OSBPL10: variants seen among roughly 807,000 people sequenced by gnomAD.
OSBPL10 encodes oxysterol binding protein like 10.
A neutral mutation model predicts 81.7 loss-of-function variants in OSBPL10; 49 were observed. The observed-to-expected ratio is 0.60, with a 90% CI of 0.48 to 0.76. OSBPL10 has a LOEUF of 0.76. Among genes scored for constraint, OSBPL10 ranks in the 30% least tolerant of loss-of-function variants. The pLI, the probability that OSBPL10 is intolerant of heterozygous loss-of-function variation, is 0.00. For synonymous variants in OSBPL10, 419 were observed against 383.6 expected, an observed-to-expected ratio of 1.09 and a Z score of -1.08; for missense variants, 923 against 987.8, an observed-to-expected ratio of 0.93 and a Z score of 0.88.
intron 1 of OSBPL10, among the ~76,000 whole-genome samples, chr3:31,910,722 G>A (rs1427410097): frequency 6.6e-6 from 1 of 152,176 alleles, no homozygotes; most frequent in Non-Finnish European, 1.5e-5. Flanking sequence ...CAAATGGAAT[G>A]TATGACAAAT....
intron 2 of OSBPL10, among the ~76,000 whole-genome samples, chr3:32,011,013 G>T (rs2125539279): frequency 6.6e-6 from 1 of 152,282 alleles, no homozygotes; most frequent in South Asian, 2.1e-4. Flanking sequence ...CCACCTCTGG[G>T]GGCAAGGCAT....
intron 4 of OSBPL10, among the ~76,000 whole-genome samples, chr3:31,775,626 CTGGAGGGAGTGA>C (rs899186224): frequency 6.6e-6 from 1 of 152,042 alleles, no homozygotes; most frequent in Non-Finnish European, 1.5e-5. Flanking sequence ...TAGGGCACTG[CTGGAGGGAGTGA>C]TGGTGACTCA....
chr3:31,763,108 C>A (rs1185968646), intron 4 of OSBPL10, among the ~76,000 whole-genome samples: 1 of 152,136 alleles, frequency 6.6e-6, no homozygotes, highest in Non-Finnish European at 1.5e-5. Context: ...AAAGAAAACA[C>A]AATTTATAAG....
At chr3:31,882,383 T>C (rs1286157271) in intron 1 of OSBPL10, among the ~76,000 whole-genome samples, 1 of 152,168 alleles carries the variant, frequency 6.6e-6, no homozygotes, top group Non-Finnish European at 1.5e-5. Context: ...CTATTCAAAG[T>C]GTGATCCCCA....
intron 10 of OSBPL10, among the ~76,000 whole-genome samples, chr3:31,665,179 G>A (rs1700160018): frequency 6.6e-6 from 1 of 152,094 alleles, no homozygotes; most frequent in African/African-American, 2.4e-5. Context: ...GATGTCCTTG[G>A]GACCAGCCTG....
chr3:31,665,484 G>A (rs1276945961), intron 10 of OSBPL10, among the ~76,000 whole-genome samples: 1 of 152,148 alleles, frequency 6.6e-6, no homozygotes, highest in African/African-American at 2.4e-5. Flanking sequence ...CTTGAGTGCT[G>A]GCATGGTCAG....
intron 2 of OSBPL10, chr3:31,990,337 C>T: frequency 6.2e-7 from 1 of 1,614,040 alleles, no homozygotes; most frequent in Non-Finnish European, 8.5e-7. Flanking sequence ...TTGGAGAATC[C>T]ATAATGAAGA....
chr3:31,924,471 A>T (rs547436711), intron 1 of OSBPL10, among the ~76,000 whole-genome samples: 4 of 152,286 alleles, frequency 2.6e-5, no homozygotes, highest in African/African-American at 9.6e-5. Flanking sequence ...GCCAAGTTCT[A>T]GAGCTTTATC....
At chr3:32,042,112 T>A (rs1014765688) in intron 2 of OSBPL10, among the ~76,000 whole-genome samples, 1 of 152,050 alleles carries the variant, frequency 6.6e-6, no homozygotes, top group Non-Finnish European at 1.5e-5. Context: ...CATAGGTAGG[T>A]TTTTCTACCC....
intron 2 of OSBPL10, among the ~76,000 whole-genome samples, chr3:32,043,903 ACTATT>A (rs67966905): frequency 0.72 from 109,365 of 151,036 alleles, 41,469 homozygotes; most frequent in East Asian, 0.91. Context: ...GACACTGGGG[ACTATT>A]AGAGGGGGAA....
intron 2 of OSBPL10, among the ~76,000 whole-genome samples, chr3:32,033,820 T>G (rs1183551225): frequency 6.6e-6 from 1 of 152,168 alleles, no homozygotes; most frequent in East Asian, 1.9e-4. Flanking sequence ...CCCAGCATTT[T>G]GGGAGGCTGA....
At chr3:32,012,622 G>T (rs916085379) in intron 2 of OSBPL10, among the ~76,000 whole-genome samples, 10 of 152,164 alleles carry the variant, frequency 6.6e-5, no homozygotes, top group Admixed American at 1.3e-4. Context: ...TGGGCTAAAT[G>T]CTCCAATTAA....
intron 7 of OSBPL10, among the ~76,000 whole-genome samples, chr3:31,694,053 AGCCACCT>A (rs1361717890): frequency 6.6e-6 from 1 of 152,214 alleles, no homozygotes; most frequent in Non-Finnish European, 1.5e-5. Context: ...TACGGATGTA[AGCCACCT>A]GTCTGACCTT....
intron 1 of OSBPL10, among the ~76,000 whole-genome samples, chr3:31,975,167 T>C (rs1160737528): frequency 6.6e-6 from 1 of 152,206 alleles, no homozygotes; most frequent in African/African-American, 2.4e-5. Flanking sequence ...AACAATATTA[T>C]ACAGTGTTTT....
intron 1 of OSBPL10, among the ~76,000 whole-genome samples, chr3:31,910,373 G>A (rs535800269): frequency 5.3e-5 from 8 of 151,928 alleles, no homozygotes; most frequent in East Asian, 3.9e-4. Flanking sequence ...GGTGGCTCAC[G>A]CCTGTAATCC....
intron 6 of OSBPL10, among the ~76,000 whole-genome samples, chr3:31,727,344 T>A (rs1696839917): frequency 6.6e-6 from 1 of 151,370 alleles, no homozygotes; most frequent in South Asian, 2.1e-4. Flanking sequence ...GCCATTTGAC[T>A]CCTAAAGACT....
At chr3:31,723,664 T>C (rs1575501378) in intron 6 of OSBPL10, among the ~76,000 whole-genome samples, 1 of 152,056 alleles carries the variant, frequency 6.6e-6, no homozygotes, top group South Asian at 2.1e-4. Flanking sequence ...CTGCAATGCA[T>C]AGAGCCATAA....
chr3:32,018,093 AGCCCAGATGGT>A (rs777092882), intron 2 of OSBPL10, among the ~76,000 whole-genome samples: 1 of 152,050 alleles, frequency 6.6e-6, no homozygotes, highest in Non-Finnish European at 1.5e-5. Context: ...AGTTGCAGTG[AGCCCAGATGGT>A]GCCATTGCAC....
At chr3:31,908,432 C>T (rs935956297) in intron 1 of OSBPL10, among the ~76,000 whole-genome samples, 1 of 152,114 alleles carries the variant, frequency 6.6e-6, no homozygotes, top group Non-Finnish European at 1.5e-5. Context: ...AAAAGTTTAC[C>T]TTTTAATTTT....
Sources: allele counts gnomAD v4.1 joint callset (sites outside exome capture counted in the v4.1 genomes callset), GRCh38; gene constraint gnomAD v4.1.1; transcripts MANE v1.5; gene names NCBI Gene and HGNC (gene_info 2026-07-23, HGNC 2026-07-21).